CHSY1: variants seen among roughly 807,000 people sequenced by gnomAD.
The protein encoded by CHSY1 is chondroitin sulfate synthase 1.
In CHSY1, 13 loss-of-function variants were observed where a neutral mutation model predicts 59.8. That is an observed-to-expected ratio of 0.22 (90% CI 0.14 to 0.35). The LOEUF is 0.35. Among genes scored for constraint, CHSY1 ranks in the 10% least tolerant of loss-of-function variants. CHSY1 has a pLI of 1.00. For synonymous variants in CHSY1, 459 were observed against 401.2 expected (o/e 1.14, Z -1.72); for missense variants, 947 against 1,030.6 (o/e 0.92, Z 1.11).
intron 2 of CHSY1, among the ~76,000 whole-genome samples, chr15:101,229,352 G>C (rs2141271747): frequency 6.6e-6 from 1 of 152,108 alleles, no homozygotes; most frequent in East Asian, 1.9e-4. Context: ...CAAACAAGTT[G>C]AAAGTAAAAG....
chr15:101,220,626 G>A (rs775658839), intron 2 of CHSY1, among the ~76,000 whole-genome samples: 7 of 152,198 alleles, frequency 4.6e-5, no homozygotes, highest in Non-Finnish European at 1.0e-4. Context: ...CATGAGCAGA[G>A]CAGAGGGACC....
chr15:101,205,737 A>G (rs151084290), intron 2 of CHSY1, among the ~76,000 whole-genome samples: 2,981 of 152,232 alleles, frequency 0.02, 109 homozygotes, highest in African/African-American at 0.068. Flanking sequence ...GGATCACGAG[A>G]TCAGGAGATC....
chr15:101,184,910 T>C (rs1441937157), intron 2 of CHSY1, among the ~76,000 whole-genome samples: 2 of 152,200 alleles, frequency 1.3e-5, no homozygotes, highest in African/African-American at 4.8e-5. Context: ...GTGGAACACA[T>C]ACCTGTAATG....
At chr15:101,216,029 C>CA (rs570828452) in intron 2 of CHSY1, among the ~76,000 whole-genome samples, 5 of 152,132 alleles carry the variant, frequency 3.3e-5, no homozygotes, top group Admixed American at 6.5e-5. Flanking sequence ...GCTCATTAGT[C>CA]AGGCGTAAAC....
chr15:101,234,707 G>A (rs1287809794), intron 2 of CHSY1, among the ~76,000 whole-genome samples: 1 of 152,128 alleles, frequency 6.6e-6, no homozygotes, highest in African/African-American at 2.4e-5. Context: ...TCTCTACTAA[G>A]AATACAGAAA....
At chr15:101,208,581 C>T (rs1388782419) in intron 2 of CHSY1, among the ~76,000 whole-genome samples, 7 of 152,032 alleles carry the variant, frequency 4.6e-5, no homozygotes, top group South Asian at 2.1e-4. Context: ...GGTATGGTGG[C>T]GGACGCCTGT....
intron 2 of CHSY1, among the ~76,000 whole-genome samples, chr15:101,224,091 C>T (rs547270825): frequency 2.1e-4 from 32 of 152,238 alleles, no homozygotes; most frequent in South Asian, 4.1e-4. Flanking sequence ...GCCTAGGAGC[C>T]GCAGGCTACA....
In CHSY1 at chr15:101,251,509, GC is replaced by G. The variant is rs1326147232; in HGVS notation, c.-54del. 8.3e-3 allele frequency: 525 copies of G among 63,136 alleles called. 120 individuals carry two copies. Among genetic ancestry groups the G allele is most frequent in the Non-Finnish European group, 0.011 (487 of 44,096 alleles). 3.9% of individuals were successfully genotyped at this position (63,136 alleles called of 1,614,324 possible). ...CCGCCGCAGGCTCCGCGCGCCCTCA[GC>G]CCGCTGCCCCCGCCCGCGGAGGCCA... On this transcript the variant is annotated 5_prime_UTR_variant, in exon 1 of 3. Coordinates refer to ENST00000254190, the MANE Select transcript of CHSY1 (RefSeq NM_014918.5).
chr15:101,236,889 G>A (rs2038949184), intron 1 of CHSY1, among the ~76,000 whole-genome samples: 1 of 151,780 alleles, frequency 6.6e-6, no homozygotes, highest in African/African-American at 2.4e-5. Context: ...ACCTATTTTG[G>A]TATGTCTTTA....
At chr15:101,211,793 C>CAT (rs2141261194) in intron 2 of CHSY1, among the ~76,000 whole-genome samples, 1 of 151,992 alleles carries the variant, frequency 6.6e-6, no homozygotes, top group African/African-American at 2.4e-5. Context: ...GAGGTGATTT[C>CAT]ATCAGAAAAT....
chr15:101,180,235 C>T (rs1452919166), intron 2 of CHSY1, among the ~76,000 whole-genome samples: 2 of 152,246 alleles, frequency 1.3e-5, no homozygotes, highest in Non-Finnish European at 2.9e-5. Flanking sequence ...GCCTGCCAGG[C>T]CCCGCACAGA....
intron 1 of CHSY1, among the ~76,000 whole-genome samples, chr15:101,237,816 GAATA>G (rs756221647): frequency 7.9e-5 from 12 of 152,160 alleles, no homozygotes; most frequent in African/African-American, 1.7e-4. Flanking sequence ...GTATCGTGGA[GAATA>G]AATAAAATAG....
At chr15:101,242,240 G>A (rs2039010108) in intron 1 of CHSY1, among the ~76,000 whole-genome samples, 1 of 152,150 alleles carries the variant, frequency 6.6e-6, no homozygotes. Context: ...AGTAAGAGTA[G>A]GAAACCCTTA....
chr15:101,232,957 G>A (rs189931438), intron 2 of CHSY1, among the ~76,000 whole-genome samples: 2 of 152,278 alleles, frequency 1.3e-5, no homozygotes, highest in East Asian at 3.9e-4. Flanking sequence ...ACACTCCCAA[G>A]GAGAGCCTTG....
chr15:101,203,050 T>G (rs2038589360), intron 2 of CHSY1, among the ~76,000 whole-genome samples: 1 of 152,176 alleles, frequency 6.6e-6, no homozygotes, highest in Non-Finnish European at 1.5e-5. Flanking sequence ...GACAATGGGA[T>G]TCAGTAACGG....
At chr15:101,220,873 A>C (rs1183504821) in intron 2 of CHSY1, among the ~76,000 whole-genome samples, 1 of 152,002 alleles carries the variant, frequency 6.6e-6, no homozygotes, top group Non-Finnish European at 1.5e-5. Flanking sequence ...CCCAGATATG[A>C]CCATGGTTTG....
chr15:101,193,837 T>C (rs999802495), intron 2 of CHSY1, among the ~76,000 whole-genome samples: 1 of 152,238 alleles, frequency 6.6e-6, no homozygotes. Context: ...CGCTCCTTCC[T>C]TGCCTGACAA....
chr15:101,178,693 G>A lies in CHSY1; in HGVS notation c.1104C>T (p.Arg368=). ...CCCATTCCAGAATCTCCTCTCGCTGGCGGGGCTGAAACCTCATGAAGGAGG... is the reference window on the plus strand; with the variant it reads ...CCCATTCCAGAATCTCCTCTCGCTGACGGGGCTGAAACCTCATGAAGGAGG... ...IPPSFMRFQP[R]QREEILEWEF... Residue 368 remains arginine (R), a synonymous_variant, in exon 3 of 3, where the codon CGC becomes CGT. Transcript: ENST00000254190. 6.2e-7 allele frequency: 1 copy of A among 1,614,228 alleles called. No individual in the cohort carries two copies.
At chr15:101,238,795 A>G (rs2038973083) in intron 1 of CHSY1, among the ~76,000 whole-genome samples, 1 of 152,240 alleles carries the variant, frequency 6.6e-6, no homozygotes, top group Admixed American at 6.5e-5. Flanking sequence ...TTATTAACAG[A>G]TACTGTTCTA....
Sources: gnomAD v4.1 joint callset for allele counts (sites outside exome capture counted in the v4.1 genomes callset) on GRCh38, gnomAD v4.1.1 for gene constraint, MANE v1.5 for transcripts, NCBI Gene and HGNC (gene_info 2026-07-23, HGNC 2026-07-21) for gene names.